Variants in PPP2R5E observed in about 807,000 individuals in gnomAD.
PPP2R5E encodes the protein serine/threonine-protein phosphatase 2A 56 kDa regulatory subunit epsilon isoform.
Under a neutral mutation model 65.3 loss-of-function variants are expected in PPP2R5E, and 4 were observed. The ratio of observed to expected loss-of-function variants is 0.06; its 90% CI spans 0.03 to 0.14. The LOEUF (loss-of-function observed/expected upper bound fraction) is 0.14. Ranked by LOEUF, PPP2R5E falls within the 10% of genes least tolerant of loss-of-function variation. The pLI is 1.00. For synonymous variants in PPP2R5E, 183 were observed against 187.4 expected (o/e 0.98, Z 0.19); for missense variants, 274 against 556.1 (o/e 0.49, Z 5.10).
chr14:63,388,689 T>C (rs1040066097), intron 11 of PPP2R5E, among the ~76,000 whole-genome samples: 2 of 152,216 alleles, frequency 1.3e-5, no homozygotes. Context: ...CTTTAACATA[T>C]TAACATGTCT....
chr14:63,409,511 T>G (rs1047295758), intron 5 of PPP2R5E, among the ~76,000 whole-genome samples: 1 of 152,224 alleles, frequency 6.6e-6, no homozygotes, highest in Non-Finnish European at 1.5e-5. Flanking sequence ...TGAATTAATA[T>G]TTAATGAGCA....
chr14:63,441,531 A>G (rs1318954600), intron 3 of PPP2R5E, among the ~76,000 whole-genome samples: 6 of 152,246 alleles, frequency 3.9e-5, no homozygotes, highest in Non-Finnish European at 4.4e-5. Context: ...TTTAGTGCAC[A>G]CAGGGTAAAA....
At chr14:63,385,153 C>A (rs1884588177) in intron 11 of PPP2R5E, among the ~76,000 whole-genome samples, 1 of 151,994 alleles carries the variant, frequency 6.6e-6, no homozygotes. Flanking sequence ...ATGGGGAGAC[C>A]TCGCCTCTAC....
At chr14:63,527,469 C>T (rs1425627915) in intron 2 of PPP2R5E, among the ~76,000 whole-genome samples, 1 of 152,180 alleles carries the variant, frequency 6.6e-6, no homozygotes, top group African/African-American at 2.4e-5. Flanking sequence ...CGTTAGTAAA[C>T]ATTTGCCATT....
chr14:63,377,698 T>A (rs529286972), intron 13 of PPP2R5E, among the ~76,000 whole-genome samples: 1 of 152,342 alleles, frequency 6.6e-6, no homozygotes, highest in Non-Finnish European at 1.5e-5. Context: ...TTACCATAAT[T>A]AGTTTCAGCT....
intron 2 of PPP2R5E, among the ~76,000 whole-genome samples, chr14:63,538,917 C>CT (rs1893779374): frequency 6.6e-6 from 1 of 151,870 alleles, no homozygotes; most frequent in African/African-American, 2.4e-5. Context: ...GAGGGAGACT[C>CT]TATCTCAAAA....
In PPP2R5E at chr14:63,374,668, T is replaced by TATATATATATATATATATAA. The variant is rs1446866059; in HGVS notation, c.*1340_*1341insTTATATATATATATATATAT. The stretch of plus-strand genomic sequence containing the variant: ...ATATATATATATATATATATATATA[T>TATATATATATATATATATAA]AAAATACAGCCCTAGATTTTGTTTT... On this transcript the variant is annotated 3_prime_UTR_variant, in exon 14 of 14. Transcript: ENST00000337537. 1.7e-5 allele frequency: 2 copies of TATATATATATATATATATAA among 119,280 alleles called. No individual in the cohort carries two copies. Among genetic ancestry groups the TATATATATATATATATATAA allele is most frequent in the African/African-American group, 6.4e-5 (2 of 31,416 alleles). The allele number at this position is 119,280 out of a possible 1,614,324, so 7.4% of individuals were successfully genotyped here. A position where few individuals can be genotyped will look rare whatever the true frequency, so the allele number is the denominator to read the frequency against.
chr14:63,480,439 G>C (rs759442028), intron 2 of PPP2R5E, among the ~76,000 whole-genome samples: 2 of 152,166 alleles, frequency 1.3e-5, no homozygotes, highest in Non-Finnish European at 2.9e-5. Flanking sequence ...CTAGGCAACA[G>C]AGCGAGACCC....
intron 2 of PPP2R5E, among the ~76,000 whole-genome samples, chr14:63,527,860 G>A (rs1893242136): frequency 1.3e-5 from 2 of 151,840 alleles, no homozygotes; most frequent in African/African-American, 2.4e-5. Flanking sequence ...GCTTGAACCC[G>A]GGAGGTGGAG....
intron 2 of PPP2R5E, among the ~76,000 whole-genome samples, chr14:63,529,127 T>C (rs1893302675): frequency 6.6e-6 from 1 of 152,114 alleles, no homozygotes; most frequent in Non-Finnish European, 1.5e-5. Flanking sequence ...TTCCAGCTAA[T>C]TTTTTAATTT....
At chr14:63,505,219 C>T (rs568060621) in intron 2 of PPP2R5E, among the ~76,000 whole-genome samples, 6 of 152,120 alleles carry the variant, frequency 3.9e-5, no homozygotes, top group South Asian at 2.1e-4. Context: ...CCCCAGCAGC[C>T]GAGGCTGCAA....
intron 2 of PPP2R5E, among the ~76,000 whole-genome samples, chr14:63,507,934 C>G (rs1407923386): frequency 6.6e-6 from 1 of 152,164 alleles, no homozygotes; most frequent in African/African-American, 2.4e-5. Context: ...GTTTGAGAAG[C>G]CTGACCCTAG....
At chr14:63,485,605 G>T (rs1327290273) in intron 2 of PPP2R5E, among the ~76,000 whole-genome samples, 1 of 151,664 alleles carries the variant, frequency 6.6e-6, no homozygotes, top group African/African-American at 2.4e-5. Flanking sequence ...GTAGAGACGG[G>T]GTTTCTCCAT....
chr14:63,466,284 AAAC>A (rs1363451944), intron 2 of PPP2R5E, among the ~76,000 whole-genome samples: 165 of 150,414 alleles, frequency 1.1e-3, no homozygotes, highest in Middle Eastern at 3.5e-3. Flanking sequence ...AAAAAAAAAA[AAAC>A]AACAACAAGA....
chr14:63,461,247 T>C (rs767747002), intron 2 of PPP2R5E, among the ~76,000 whole-genome samples: 2 of 152,050 alleles, frequency 1.3e-5, no homozygotes, highest in African/African-American at 4.8e-5. Flanking sequence ...TGACAGGCTA[T>C]ACTAAAAAAG....
chr14:63,464,234 C>A (rs1889659704), intron 2 of PPP2R5E, among the ~76,000 whole-genome samples: 1 of 151,972 alleles, frequency 6.6e-6, no homozygotes, highest in Non-Finnish European at 1.5e-5. Flanking sequence ...CAGGAAGAGA[C>A]AAATAATAGA....
intron 5 of PPP2R5E, among the ~76,000 whole-genome samples, chr14:63,408,745 C>T (rs1226072310): frequency 1.3e-5 from 2 of 152,108 alleles, no homozygotes; most frequent in Non-Finnish European, 2.9e-5. Flanking sequence ...TTATTCAAGC[C>T]TTCTTCAACT....
intron 2 of PPP2R5E, among the ~76,000 whole-genome samples, chr14:63,494,455 G>C (rs1224550189): frequency 6.6e-6 from 1 of 151,468 alleles, no homozygotes; most frequent in African/African-American, 2.4e-5. Context: ...GCCTGGTCTT[G>C]AACTCCTGAC....
At chr14:63,536,888 G>A (rs1289994186) in intron 2 of PPP2R5E, among the ~76,000 whole-genome samples, 1 of 152,202 alleles carries the variant, frequency 6.6e-6, no homozygotes. Flanking sequence ...GGGAGTCAGT[G>A]TTTAACAGGT....
Sources: allele counts gnomAD v4.1 joint callset (sites outside exome capture counted in the v4.1 genomes callset), GRCh38; gene constraint gnomAD v4.1.1; transcripts MANE v1.5; gene names NCBI Gene and HGNC (gene_info 2026-07-23, HGNC 2026-07-21).